The following NMT2 variants were observed in gnomAD, a reference collection of about 807,000 sequenced individuals.
NMT2 encodes the protein glycylpeptide N-tetradecanoyltransferase 2.
NMT2 carries 35 observed loss-of-function variants against 65.4 expected under a neutral mutation model. The observed-to-expected ratio is 0.54, with a 90% CI of 0.41 to 0.71. The LOEUF is 0.71. Among genes scored for constraint, NMT2 ranks in the 30% least tolerant of loss-of-function variants. The pLI, the probability that NMT2 is intolerant of heterozygous loss-of-function variation, is 0.00. For synonymous variants in NMT2, 226 were observed against 231.8 expected, an observed-to-expected ratio of 0.98 and a Z score of 0.23; for missense variants, 489 against 611.3, an observed-to-expected ratio of 0.80 and a Z score of 2.11.
chr10:15,125,022 G>A (rs1846033145), intron 8 of NMT2, among the ~76,000 whole-genome samples: 1 of 152,262 alleles, frequency 6.6e-6, no homozygotes, highest in African/African-American at 2.4e-5. Flanking sequence ...AGAGGGGATG[G>A]CAGAGGCAGA....
chr10:15,141,052 A>T (rs1332134088), intron 2 of NMT2: 1 of 1,547,906 alleles, frequency 6.5e-7, no homozygotes, highest in Non-Finnish European at 8.7e-7. Flanking sequence ...TTAGACAGAC[A>T]CCCAGAAAAA....
At chr10:15,145,083 C>T (rs755006972) in intron 1 of NMT2, among the ~76,000 whole-genome samples, 3 of 152,016 alleles carry the variant, frequency 2.0e-5, no homozygotes, top group African/African-American at 4.8e-5. Flanking sequence ...AACAAAGAGT[C>T]GATAAAAACA....
At chr10:15,122,853 G>A (rs1845968716) in intron 8 of NMT2, among the ~76,000 whole-genome samples, 1 of 151,992 alleles carries the variant, frequency 6.6e-6, no homozygotes, top group Admixed American at 6.6e-5. Context: ...CATGCCACAT[G>A]GCCTCTGGAA....
At position 15,167,853 on chromosome 10, in the gene NMT2, G is replaced by A. The variant is rs540332499; in HGVS notation, c.110+650C>T. Reference sequence around the variant, plus strand: ...GCCAGGTCAGCGGGAGCCCGGTTCAGGGGATCGGCCCTGCTCTGAAGAGCT... The same window carrying A: ...GCCAGGTCAGCGGGAGCCCGGTTCAAGGGATCGGCCCTGCTCTGAAGAGCT... On this transcript the variant is annotated intron_variant, in intron 1 of 11. Coordinates refer to ENST00000378165, the MANE Select transcript of NMT2 (RefSeq NM_004808.3). 2.2e-4 allele frequency among the ~76,000 whole-genome samples: 33 copies of A among 152,348 alleles called. No individual in the cohort carries two copies. The South Asian group carries it at 3.1e-3, about 14-fold the overall frequency.
intron 1 of NMT2, among the ~76,000 whole-genome samples, chr10:15,147,719 C>T (rs950524120): frequency 6.6e-6 from 1 of 152,020 alleles, no homozygotes; most frequent in Non-Finnish European, 1.5e-5. Flanking sequence ...TGTCCATTTA[C>T]TCCACATGTT....
intron 1 of NMT2, among the ~76,000 whole-genome samples, chr10:15,162,585 C>T (rs992531475): frequency 3.3e-5 from 5 of 151,920 alleles, no homozygotes; most frequent in South Asian, 4.2e-4. Flanking sequence ...TAAGAGTCAG[C>T]GAAACATACA....
At chr10:15,136,781 T>C (rs1846524922) in intron 2 of NMT2, among the ~76,000 whole-genome samples, 1 of 152,034 alleles carries the variant, frequency 6.6e-6, no homozygotes, top group South Asian at 2.1e-4. Flanking sequence ...CTAAGGTTCC[T>C]TTCTCAAAGC....
chr10:15,147,556 A>C (rs949989455), intron 1 of NMT2, among the ~76,000 whole-genome samples: 1 of 152,204 alleles, frequency 6.6e-6, no homozygotes, highest in African/African-American at 2.4e-5. Flanking sequence ...GTGAAAAAAA[A>C]ATTTTTAATA....
At chr10:15,135,149 G>A (rs1846430716) in intron 3 of NMT2, 125 bp downstream of exon 3, 2 of 963,790 alleles carry the variant, frequency 2.1e-6, no homozygotes, top group Admixed American at 2.1e-5. Context: ...TCCAATCTGT[G>A]GTATGAAATA....
chr10:15,154,343 CG>C (rs934232442), intron 1 of NMT2, among the ~76,000 whole-genome samples: 2 of 152,106 alleles, frequency 1.3e-5, no homozygotes, highest in Non-Finnish European at 2.9e-5. Flanking sequence ...AACCACATGA[CG>C]GGATGGCCAG....
chr10:15,132,509 C>T (rs1233703828), intron 6 of NMT2, among the ~76,000 whole-genome samples: 1 of 151,918 alleles, frequency 6.6e-6, no homozygotes, highest in Non-Finnish European at 1.5e-5. Context: ...CTCACTGCAA[C>T]CTCCGCCTCC....
intron 1 of NMT2, among the ~76,000 whole-genome samples, chr10:15,158,723 T>C (rs989805941): frequency 3.9e-5 from 6 of 152,176 alleles, no homozygotes; most frequent in African/African-American, 1.4e-4. Flanking sequence ...CAGAATACGA[T>C]AGACTGATTA....
At chr10:15,135,123 T>G (rs1209785450) in intron 3 of NMT2, 151 bp downstream of exon 3, 2 of 782,604 alleles carry the variant, frequency 2.6e-6, no homozygotes, top group Non-Finnish European at 4.2e-6. Flanking sequence ...AGAAAAATAT[T>G]AGTCTTGCAT....
rs768525023 is a variant in NMT2, at chr10:15,112,976, G to A, written c.1171-13C>T. The A allele has an allele frequency of 8.1e-6, 13 of 1,613,434 alleles. No individual in the cohort carries two copies. Among genetic ancestry groups the A allele is most frequent in the Admixed American group, 1.7e-5 (1 of 59,940 alleles). ...TACCGTTGGGGCTCTAGGAGCAAAAGTGCTGTCAGACAGAGATCTCCTTGA... is the reference window on the plus strand; with the variant it reads ...TACCGTTGGGGCTCTAGGAGCAAAAATGCTGTCAGACAGAGATCTCCTTGA... On this transcript the variant is annotated splice_polypyrimidine_tract_variant and intron_variant, in intron 9 of 11. Coordinates refer to ENST00000378165, the MANE Select transcript of NMT2 (RefSeq NM_004808.3).
intron 9 of NMT2, among the ~76,000 whole-genome samples, chr10:15,114,479 G>A (rs917385748): frequency 2.6e-5 from 4 of 152,048 alleles, no homozygotes; most frequent in Non-Finnish European, 5.9e-5. Flanking sequence ...AAAAAACCCC[G>A]CTCACAACAA....
intron 1 of NMT2, among the ~76,000 whole-genome samples, chr10:15,150,205 G>T (rs968428233): frequency 1.2e-4 from 18 of 152,152 alleles, no homozygotes; most frequent in Admixed American, 3.3e-4. Flanking sequence ...GTTAGCTAAG[G>T]TTAACTCAGG....
At chr10:15,120,113 A>G (rs1461541067) in intron 8 of NMT2, among the ~76,000 whole-genome samples, 2 of 152,260 alleles carry the variant, frequency 1.3e-5, no homozygotes, top group African/African-American at 4.8e-5. Context: ...ACAACTACTT[A>G]CATAGCATTT....
intron 8 of NMT2, among the ~76,000 whole-genome samples, chr10:15,126,487 T>G (rs1383769741): frequency 1.3e-5 from 2 of 151,626 alleles, no homozygotes; most frequent in Admixed American, 1.3e-4. Flanking sequence ...ATGAATCACC[T>G]GCATAGGGTT....
chr10:15,163,824 T>C lies in NMT2; in HGVS notation c.110+4679A>G, dbSNP rs199643513. Among the ~76,000 whole-genome samples, 1,337 of 152,312 alleles carry C rather than the reference T, an allele frequency of 8.8e-3. 22 individuals are homozygous for C. Among genetic ancestry groups the C allele is most frequent in the African/African-American group, 0.031 (1,269 of 41,558 alleles). On this transcript the variant is annotated intron_variant, in intron 1 of 11. Coordinates refer to ENST00000378165, the MANE Select transcript of NMT2 (RefSeq NM_004808.3). The stretch of plus-strand genomic sequence containing the variant: ...CAGATTATGTTCTTTGTTAAAAGAA[T>C]TCCAAAGTTTTCATCTTTGTCCAAT...
Sources: allele counts gnomAD v4.1 joint callset (sites outside exome capture counted in the v4.1 genomes callset), GRCh38; gene constraint gnomAD v4.1.1; transcripts MANE v1.5; gene names NCBI Gene and HGNC (gene_info 2026-07-23, HGNC 2026-07-21).